The following CAMK1D variants were observed in gnomAD, a reference collection of about 807,000 sequenced individuals.
CAMK1D encodes calcium/calmodulin-dependent protein kinase type 1D.
CAMK1D carries 9 observed loss-of-function variants against 47.7 expected under a neutral mutation model. The observed-to-expected ratio is 0.19, with a 90% confidence interval of 0.11 to 0.33. The LOEUF (loss-of-function observed/expected upper bound fraction) is 0.33, where lower values mean the gene tolerates loss of function less well. Among genes scored for constraint, CAMK1D ranks in the 10% least tolerant of loss-of-function variants. The pLI is 1.00. For missense variants in CAMK1D, 291 were observed against 488.7 expected (o/e 0.60, Z 3.81); for synonymous variants, 184 against 184.9 (o/e 0.99, Z 0.04).
At chr10:12,634,803 C>T (rs72771759) in intron 2 of CAMK1D, among the ~76,000 whole-genome samples, 17,266 of 152,080 alleles carry the variant, frequency 0.11, 1,165 homozygotes, top group South Asian at 0.21. Context: ...GGCAACATCT[C>T]GGGGTTCTCC....
At chr10:12,546,221 G>A (rs1836365837) in intron 1 of CAMK1D, among the ~76,000 whole-genome samples, 1 of 152,104 alleles carries the variant, frequency 6.6e-6, no homozygotes, top group African/African-American at 2.4e-5. Context: ...TGGGGGCTAC[G>A]GGACCAGGAA....
intron 1 of CAMK1D, among the ~76,000 whole-genome samples, chr10:12,385,744 T>TC (rs2131879951): frequency 7.0e-6 from 1 of 143,848 alleles, no homozygotes; most frequent in East Asian, 2.0e-4. Flanking sequence ...TTGTACTTTT[T>TC]TTTTTTTTTT....
intron 3 of CAMK1D, among the ~76,000 whole-genome samples, chr10:12,702,223 C>T (rs1053519745): frequency 1.1e-4 from 16 of 152,098 alleles, no homozygotes; most frequent in African/African-American, 3.9e-4. Flanking sequence ...CGGTGGAGGA[C>T]GCTGCTCTTG....
At chr10:12,381,342 CTTT>C (rs35503338) in intron 1 of CAMK1D, among the ~76,000 whole-genome samples, 15 of 134,650 alleles carry the variant, frequency 1.1e-4, no homozygotes, top group Admixed American at 2.3e-4. Flanking sequence ...ATAATGCTTT[CTTT>C]TTTTTTTTTT....
intron 1 of CAMK1D, among the ~76,000 whole-genome samples, chr10:12,542,229 G>A (rs1836219978): frequency 6.6e-6 from 1 of 152,152 alleles, no homozygotes; most frequent in Non-Finnish European, 1.5e-5. Context: ...GTGACACTGG[G>A]GAAAATAATA....
intron 1 of CAMK1D, among the ~76,000 whole-genome samples, chr10:12,403,723 ATTT>A (rs1472045776): frequency 6.6e-6 from 1 of 152,184 alleles, no homozygotes; most frequent in Non-Finnish European, 1.5e-5. Context: ...CTTTAAAATA[ATTT>A]TATTAATAAT....
rs563270528 is a variant in CAMK1D, at chr10:12,761,208, T to A, written c.438+122T>A. On this transcript the variant is annotated intron_variant, in intron 4 of 10. Coordinates refer to ENST00000619168, the MANE Select transcript of CAMK1D (RefSeq NM_153498.4). ...GATGTAGAGTGGGTGCAGCAGATGGTGGGCATTTGTGTACTTTGAGTTGTC... is the reference window on the plus strand; with the variant it reads ...GATGTAGAGTGGGTGCAGCAGATGGAGGGCATTTGTGTACTTTGAGTTGTC... The A allele has an allele frequency of 1.5e-5, 18 of 1,161,658 alleles. No individual in the cohort carries two copies. In the East Asian group the frequency reaches 4.1e-4, roughly 27 times the overall value. 72.0% of individuals were successfully genotyped at this position (1,161,658 alleles called of 1,614,324 possible).
chr10:12,455,000 GT>G (rs1235148352), intron 1 of CAMK1D, among the ~76,000 whole-genome samples: 1 of 152,214 alleles, frequency 6.6e-6, no homozygotes, highest in Non-Finnish European at 1.5e-5. Context: ...AGTCTGGGTG[GT>G]GGTTCTGTCA....
intron 2 of CAMK1D, among the ~76,000 whole-genome samples, chr10:12,600,369 A>G (rs1838266188): frequency 6.6e-6 from 1 of 152,168 alleles, no homozygotes; most frequent in Non-Finnish European, 1.5e-5. Context: ...CTCAGAGCTC[A>G]AGCTTTATGT....
intron 3 of CAMK1D, among the ~76,000 whole-genome samples, chr10:12,719,692 C>T (rs1834295966): frequency 6.6e-6 from 1 of 152,198 alleles, no homozygotes; most frequent in Non-Finnish European, 1.5e-5. Context: ...CCAGTGCCAG[C>T]ACTGAACCAC....
At chr10:12,457,779 C>CAAAAAAAA (rs5783269) in intron 1 of CAMK1D, among the ~76,000 whole-genome samples, 1 of 71,126 alleles carries the variant, frequency 1.4e-5, no homozygotes, top group Non-Finnish European at 2.9e-5. Context: ...GACTCTGTCT[C>CAAAAAAAA]AAAAAAAAAA....
chr10:12,602,478 A>G (rs1278674116), intron 2 of CAMK1D, among the ~76,000 whole-genome samples: 1 of 152,186 alleles, frequency 6.6e-6, no homozygotes, highest in Non-Finnish European at 1.5e-5. Context: ...TGAAAGAAAG[A>G]TTCCTGGGTG....
chr10:12,532,856 C>T (rs1036973761), intron 1 of CAMK1D, among the ~76,000 whole-genome samples: 4 of 150,440 alleles, frequency 2.7e-5, no homozygotes, highest in Non-Finnish European at 5.9e-5. Flanking sequence ...AGACAAACAT[C>T]GCATGTTCTC....
chr10:12,509,606 C>A (rs1834979504), intron 1 of CAMK1D, among the ~76,000 whole-genome samples: 1 of 152,104 alleles, frequency 6.6e-6, no homozygotes, highest in Admixed American at 6.5e-5. Flanking sequence ...AAATGAGTAT[C>A]CAGGTGTGGT....
At chr10:12,419,132 G>A (rs1033032533) in intron 1 of CAMK1D, among the ~76,000 whole-genome samples, 1 of 151,982 alleles carries the variant, frequency 6.6e-6, no homozygotes, top group Non-Finnish European at 1.5e-5. Flanking sequence ...ATTCCCTCCT[G>A]CCTTTTAAAA....
chr10:12,740,078 G>T (rs1835363373), intron 3 of CAMK1D, among the ~76,000 whole-genome samples: 2 of 152,162 alleles, frequency 1.3e-5, no homozygotes, highest in Admixed American at 1.3e-4. Context: ...CGTCATCTGG[G>T]ATATTATTTC....
rs71386105 is a variant in CAMK1D, at chr10:12,611,588, C to CTTTTTTTT, written c.225-55134_225-55127dup. ...CAGTTCCCTGAATGTTTCAGAATGCCTTTTTTTTTTTTTTTTTTTTTGAGA... is the reference window on the plus strand; with the variant it reads ...CAGTTCCCTGAATGTTTCAGAATGCCTTTTTTTTTTTTTTTTTTTTTTTTTTTTTGAGA... On this transcript the variant is annotated intron_variant, in intron 2 of 10. Transcript: ENST00000619168. Among the ~76,000 whole-genome samples the CTTTTTTTT allele has an allele frequency of 5.0e-4, 30 of 59,950 alleles. 4 individuals are homozygous for CTTTTTTTT. The highest frequency in any genetic ancestry group is 4.5e-3 in the East Asian group (6 of 1,340). 39.3% of individuals were successfully genotyped at this position (59,950 alleles called of 152,430 possible). A position where few individuals can be genotyped will look rare whatever the true frequency, so the allele number is the denominator to read the frequency against.
At chr10:12,595,464 A>G (rs958836057) in intron 2 of CAMK1D, among the ~76,000 whole-genome samples, 1 of 151,368 alleles carries the variant, frequency 6.6e-6, no homozygotes, top group Admixed American at 6.6e-5. Context: ...TGTGGAATAC[A>G]CCTTCCCCCG....
chr10:12,708,349 G>A (rs977430908), intron 3 of CAMK1D, among the ~76,000 whole-genome samples: 5 of 151,704 alleles, frequency 3.3e-5, no homozygotes, highest in African/African-American at 1.2e-4. Context: ...GGGAGGGAGG[G>A]AAGGAGAAGA....
Sources: allele counts gnomAD v4.1 joint callset (sites outside exome capture counted in the v4.1 genomes callset), GRCh38; gene constraint gnomAD v4.1.1; transcripts MANE v1.5; gene names NCBI Gene and HGNC (gene_info 2026-07-23, HGNC 2026-07-21).